GMDS: variants seen among roughly 807,000 people sequenced by gnomAD.
GMDS encodes GDP-mannose 4,6 dehydratase.
GMDS carries 20 observed loss-of-function variants against 49.9 expected under a neutral mutation model. The ratio of observed to expected loss-of-function variants is 0.40; its 90% CI spans 0.28 to 0.58. GMDS has a LOEUF of 0.58. GMDS is among the 20% of genes least tolerant of loss of function. The pLI, the probability that GMDS is intolerant of heterozygous loss-of-function variation, is 0.42. For missense variants in GMDS, 362 were observed against 481.4 expected (o/e 0.75, Z 2.32); for synonymous variants, 177 against 178.6 (o/e 0.99, Z 0.07).
At chr6:2,229,078 A>C (rs1395117069) in intron 1 of GMDS, among the ~76,000 whole-genome samples, 2 of 152,212 alleles carry the variant, frequency 1.3e-5, no homozygotes, top group Admixed American at 6.5e-5. Flanking sequence ...ACTTTTCCCC[A>C]GGGCTTCACT....
chr6:1,736,936 C>T (rs113330870), intron 8 of GMDS, among the ~76,000 whole-genome samples: 10 of 152,170 alleles, frequency 6.6e-5, no homozygotes, highest in Admixed American at 2.6e-4. Context: ...GGATCCACCC[C>T]CTGGAACCTG....
At chr6:1,675,687 C>G (rs909756148) in intron 9 of GMDS, among the ~76,000 whole-genome samples, 1 of 151,990 alleles carries the variant, frequency 6.6e-6, no homozygotes, top group Non-Finnish European at 1.5e-5. Flanking sequence ...CCCATCTCTA[C>G]TAAAAATATA....
intron 9 of GMDS, among the ~76,000 whole-genome samples, chr6:1,627,881 G>A (rs1245253676): frequency 6.6e-6 from 1 of 152,142 alleles, no homozygotes; most frequent in Non-Finnish European, 1.5e-5. Flanking sequence ...TGTTTTCATT[G>A]CTATTCCTTA....
intron 4 of GMDS, among the ~76,000 whole-genome samples, chr6:2,079,590 C>G (rs374268074): frequency 5.3e-5 from 8 of 152,130 alleles, no homozygotes; most frequent in African/African-American, 1.7e-4. Context: ...ATATAGTATC[C>G]CTTGGATAGC....
At chr6:1,784,390 C>CAAAAAAAAA (rs780517217) in intron 7 of GMDS, among the ~76,000 whole-genome samples, 6 of 40,482 alleles carry the variant, frequency 1.5e-4, no homozygotes, top group African/African-American at 5.5e-4. Context: ...AGACTCGTCT[C>CAAAAAAAAA]AAAAAAAAAA....
At chr6:1,699,034 C>T (rs902941801) in intron 9 of GMDS, among the ~76,000 whole-genome samples, 1 of 152,036 alleles carries the variant, frequency 6.6e-6, no homozygotes, top group African/African-American at 2.4e-5. Flanking sequence ...GTGTCATGAA[C>T]ACATAGGTCC....
chr6:2,046,007 T>G (rs1471963026), intron 4 of GMDS, among the ~76,000 whole-genome samples: 1 of 152,132 alleles, frequency 6.6e-6, no homozygotes, highest in East Asian at 1.9e-4. Flanking sequence ...GCTCAGGAAT[T>G]CAAGACCAGC....
chr6:2,076,504 C>G (rs1398236848), intron 4 of GMDS, among the ~76,000 whole-genome samples: 1 of 152,218 alleles, frequency 6.6e-6, no homozygotes, highest in Non-Finnish European at 1.5e-5. Context: ...TACCTGACTT[C>G]AAACTGTACT....
At chr6:2,182,552 T>G (rs900755985) in intron 1 of GMDS, among the ~76,000 whole-genome samples, 17 of 152,228 alleles carry the variant, frequency 1.1e-4, no homozygotes, top group African/African-American at 4.1e-4. Context: ...CAGTGTTTAT[T>G]TGCAATTCCA....
intron 9 of GMDS, among the ~76,000 whole-genome samples, chr6:1,671,069 C>T (rs566832194): frequency 7.9e-5 from 12 of 152,166 alleles, no homozygotes; most frequent in Non-Finnish European, 1.3e-4. Flanking sequence ...AAGGCTTGAG[C>T]CTACAGACTC....
intron 4 of GMDS, among the ~76,000 whole-genome samples, chr6:1,985,057 G>A (rs1408853986): frequency 6.6e-6 from 1 of 152,022 alleles, no homozygotes; most frequent in Admixed American, 6.5e-5. Context: ...CCAATGCAGA[G>A]GCAGAATTTT....
At chr6:1,930,340 C>A in intron 6 of GMDS, 110 bp from the exon 7 acceptor site, 1 of 725,114 alleles carries the variant, frequency 1.4e-6, no homozygotes. Flanking sequence ...TTCTACACTC[C>A]CAGCCACCCT....
chr6:2,078,129 C>A (rs1182661767), intron 4 of GMDS, among the ~76,000 whole-genome samples: 1 of 151,836 alleles, frequency 6.6e-6, no homozygotes, highest in African/African-American at 2.4e-5. Flanking sequence ...GATGTAATTT[C>A]TTTTTTATTT....
chr6:1,885,657 T>C (rs930601683), intron 7 of GMDS, among the ~76,000 whole-genome samples: 2 of 152,190 alleles, frequency 1.3e-5, no homozygotes, highest in Non-Finnish European at 2.9e-5. Context: ...GAGTCCACCT[T>C]GTCAGTCTGT....
intron 4 of GMDS, among the ~76,000 whole-genome samples, chr6:1,963,767 G>C (rs1012863042): frequency 6.6e-6 from 1 of 152,146 alleles, no homozygotes; most frequent in Non-Finnish European, 1.5e-5. Context: ...GGGACCACTG[G>C]TAGTGGCCAC....
At chr6:1,681,709 A>G (rs1764799293) in intron 9 of GMDS, among the ~76,000 whole-genome samples, 1 of 152,082 alleles carries the variant, frequency 6.6e-6, no homozygotes, top group Admixed American at 6.5e-5. Flanking sequence ...TCAAAACACC[A>G]CTCAGTGTGT....
intron 4 of GMDS, among the ~76,000 whole-genome samples, chr6:2,005,416 A>G (rs989133837): frequency 9.9e-5 from 15 of 152,202 alleles, no homozygotes; most frequent in Admixed American, 3.9e-4. Flanking sequence ...GGGAAAGCAG[A>G]GACAAATTTA....
intron 1 of GMDS, among the ~76,000 whole-genome samples, chr6:2,142,690 T>C (rs149006180): frequency 3.3e-5 from 5 of 152,290 alleles, no homozygotes; most frequent in Admixed American, 6.5e-5. Context: ...TGTGGTACTT[T>C]GTTATGGCAG....
intron 7 of GMDS, among the ~76,000 whole-genome samples, chr6:1,840,583 C>A (rs959871523): frequency 6.6e-6 from 1 of 152,200 alleles, no homozygotes; most frequent in Non-Finnish European, 1.5e-5. Flanking sequence ...GACGTATTTG[C>A]TGCTAGTGGG....
Sources: gnomAD v4.1 joint callset for allele counts (sites outside exome capture counted in the v4.1 genomes callset) on GRCh38, gnomAD v4.1.1 for gene constraint, MANE v1.5 for transcripts, NCBI Gene and HGNC (gene_info 2026-07-23, HGNC 2026-07-21) for gene names.